The following LPAR1 variants were observed in gnomAD, a reference collection of about 807,000 sequenced individuals.
LPAR1 encodes LPA receptor 1.
Under a neutral mutation model 23.8 loss-of-function variants are expected in LPAR1, and 5 were observed. That is an observed-to-expected ratio of 0.21 (90% CI 0.11 to 0.44). The LOEUF is 0.44. Ranked by LOEUF, LPAR1 falls within the 20% of genes least tolerant of loss-of-function variation. LPAR1 has a pLI of 0.99. For missense variants in LPAR1, 311 were observed against 482.8 expected, an observed-to-expected ratio of 0.64 and a Z score of 3.33; for synonymous variants, 160 against 164.7, an observed-to-expected ratio of 0.97 and a Z score of 0.22.
chr9:111,012,326 G>A (rs896208772), intron 2 of LPAR1, among the ~76,000 whole-genome samples: 2 of 152,292 alleles, frequency 1.3e-5, no homozygotes, highest in South Asian at 2.1e-4. Context: ...AACACTGTGA[G>A]CAGGCTGAAA....
At chr9:110,938,998 G>C (rs1023503971) in intron 5 of LPAR1, among the ~76,000 whole-genome samples, 1 of 152,208 alleles carries the variant, frequency 6.6e-6, no homozygotes, top group African/African-American at 2.4e-5. Flanking sequence ...GCTGTACACT[G>C]TTACGCTAAC....
intron 2 of LPAR1, among the ~76,000 whole-genome samples, chr9:110,978,390 C>A (rs2096603415): frequency 1.3e-5 from 2 of 152,108 alleles, no homozygotes; most frequent in Admixed American, 1.3e-4. Context: ...AAGCCTTCGT[C>A]TCCAAAACAG....
chr9:110,955,779 TA>T lies in LPAR1; in HGVS notation c.46-13612del, dbSNP rs544148837. On this transcript the variant is annotated intron_variant, in intron 4 of 5. Coordinates refer to ENST00000683809, the MANE Select transcript of LPAR1 (RefSeq NM_001351411.2). ...TGGAAACTATACAAATACATGGAAT[TA>T]AAAAAAATACTACTGAATGACCATT... Among the ~76,000 whole-genome samples the T allele has an allele frequency of 2.2e-4, 32 of 147,574 alleles. No individual in the cohort carries two copies. In the South Asian group the frequency reaches 3.4e-3, roughly 16 times the overall value.
At chr9:111,015,512 G>A in intron 2 of LPAR1, among the ~76,000 whole-genome samples, 1 of 152,084 alleles carries the variant, frequency 6.6e-6, no homozygotes, top group East Asian at 1.9e-4. Context: ...GAAGTAGAGG[G>A]TAGAATGATG....
intron 2 of LPAR1, among the ~76,000 whole-genome samples, chr9:111,001,545 A>G (rs2097129310): frequency 6.6e-6 from 1 of 152,166 alleles, no homozygotes; most frequent in Non-Finnish European, 1.5e-5. Context: ...GGAAAAATAT[A>G]CCTAATCAGA....
intron 5 of LPAR1, among the ~76,000 whole-genome samples, chr9:110,876,195 T>G (rs2079051185): frequency 6.6e-6 from 1 of 152,224 alleles, no homozygotes; most frequent in African/African-American, 2.4e-5. Context: ...CTGGGTGAAC[T>G]TAGGCAAACT....
chr9:110,980,699 C>A (rs2096649046), intron 2 of LPAR1, among the ~76,000 whole-genome samples: 1 of 151,684 alleles, frequency 6.6e-6, no homozygotes, highest in African/African-American at 2.4e-5. Flanking sequence ...AAAATAAGTT[C>A]TAGTGTTCTA....
chr9:111,029,047 C>T (rs573870394), intron 2 of LPAR1, among the ~76,000 whole-genome samples: 1 of 152,164 alleles, frequency 6.6e-6, no homozygotes, highest in Non-Finnish European at 1.5e-5. Context: ...AAACGCTCAA[C>T]AAATGCTTGA....
At chr9:111,037,848 G>C (rs949337800) in intron 1 of LPAR1, 1 of 152,204 alleles carries the variant, frequency 6.6e-6, no homozygotes, top group Admixed American at 6.5e-5. Context: ...GACCTGGCGC[G>C]GGACAGGAGG....
chr9:110,890,656 G>T (rs1179247881), intron 5 of LPAR1, among the ~76,000 whole-genome samples: 2 of 152,166 alleles, frequency 1.3e-5, no homozygotes, highest in African/African-American at 4.8e-5. Context: ...CTGGAGAATA[G>T]TCAGCAGGAA....
rs1443986033 is a variant in LPAR1 at position 110,942,114 on chromosome 9, A to G, written c.100T>C (p.Tyr34His). Residue 34 changes from tyrosine (Y) to histidine (H), a missense_variant, in exon 5 of 6, where the codon TAT becomes CAT. By Grantham distance (83) the Tyr-to-His change is moderately conservative. This residue lies in a region of LPAR1 where 61 missense variants were observed against 55.6 expected (regional missense o/e 1.10). Transcript: ENST00000683809. ...GCAAGATGCTTTCCACTTCGGTTAT[A>G]AAAGAAGGCAATGGACTCGTTGTAG... ...CFYNESIAFF[Y>H]NRSGKHLATE... 3 of 1,614,088 alleles carry G rather than the reference A, an allele frequency of 1.9e-6. No homozygotes were observed. The highest frequency in any genetic ancestry group is 2.5e-6 in the Non-Finnish European group (3 of 1,179,970).
Position 110,873,310 on chromosome 9 carries a change from A to G in LPAR1, c.*2111T>C, listed in dbSNP as rs2078503650. 1 of 152,238 alleles carries G rather than the reference A, an allele frequency of 6.6e-6. No homozygotes were observed. Among genetic ancestry groups the G allele is most frequent in the African/African-American group, 2.4e-5 (1 of 41,460 alleles). The allele number at this position is 152,238 out of a possible 1,614,324, so 9.4% of individuals were successfully genotyped here. On this transcript the variant is annotated 3_prime_UTR_variant, in exon 6 of 6. Coordinates refer to ENST00000683809, the MANE Select transcript of LPAR1 (RefSeq NM_001351411.2). ...GTCCAATTAGTATGCTTTTCATTTCAAATAATCCATATAGCCTCCAGAAAA... is the reference window on the plus strand; with the variant it reads ...GTCCAATTAGTATGCTTTTCATTTCGAATAATCCATATAGCCTCCAGAAAA...
At chr9:110,904,919 C>A (rs1447771977) in intron 5 of LPAR1, among the ~76,000 whole-genome samples, 1 of 152,206 alleles carries the variant, frequency 6.6e-6, no homozygotes, top group Non-Finnish European at 1.5e-5. Context: ...ACTCCAAGCT[C>A]TCACAAACCC....
At chr9:110,905,432 G>A (rs117227516) in intron 5 of LPAR1, among the ~76,000 whole-genome samples, 2,387 of 150,840 alleles carry the variant, frequency 0.016, 30 homozygotes, top group Non-Finnish European at 0.025. Context: ...TGCAACCTCC[G>A]TCACCCAGGT....
At chr9:111,019,912 A>C (rs2097530503) in intron 2 of LPAR1, among the ~76,000 whole-genome samples, 1 of 152,232 alleles carries the variant, frequency 6.6e-6, no homozygotes, top group South Asian at 2.1e-4. Flanking sequence ...TCTAGAGGCT[A>C]GAAATGTAAT....
intron 2 of LPAR1, among the ~76,000 whole-genome samples, chr9:111,017,195 C>T (rs2097466818): frequency 6.6e-6 from 1 of 152,124 alleles, no homozygotes; most frequent in Non-Finnish European, 1.5e-5. Context: ...AAGGTGGGCC[C>T]TTGGTCTCGG....
chr9:110,913,554 G>GTATATA (rs57807795), intron 5 of LPAR1, among the ~76,000 whole-genome samples: 3 of 150,928 alleles, frequency 2.0e-5, no homozygotes, highest in African/African-American at 7.3e-5. Context: ...ATTTTAATAA[G>GTATATA]TATATATATA....
At chr9:110,932,654 T>A (rs988319949) in intron 5 of LPAR1, among the ~76,000 whole-genome samples, 3 of 152,272 alleles carry the variant, frequency 2.0e-5, no homozygotes, top group Admixed American at 6.5e-5. Context: ...CAAGCATTAC[T>A]GCTTGAGCTC....
chr9:110,933,246 T>C (rs185216432), intron 5 of LPAR1, among the ~76,000 whole-genome samples: 1 of 152,234 alleles, frequency 6.6e-6, no homozygotes, highest in East Asian at 1.9e-4. Flanking sequence ...GTCATAGAAA[T>C]GAAGCACCAT....
Sources: gnomAD v4.1 joint callset for allele counts (sites outside exome capture counted in the v4.1 genomes callset) on GRCh38, gnomAD v4.1.1 for gene constraint, gnomAD v4.1.1 regional missense constraint, MANE v1.5 for transcripts, NCBI Gene and HGNC (gene_info 2026-07-23, HGNC 2026-07-21) for gene names.